Variants in TAFA4 observed in about 807,000 individuals in gnomAD.
TAFA4 encodes chemokine-like protein TAFA-4.
A neutral mutation model predicts 21.1 loss-of-function variants in TAFA4; 20 were observed. The observed-to-expected ratio is 0.95, with a 90% confidence interval of 0.67 to 1.38. TAFA4 has a LOEUF of 1.38. Among genes scored for constraint, TAFA4 ranks in the 40% most tolerant of loss-of-function variants. The pLI is 0.00. For missense variants in TAFA4, 211 were observed against 180.9 expected, an observed-to-expected ratio of 1.17 and a Z score of -0.95; for synonymous variants, 71 against 67.4, an observed-to-expected ratio of 1.05 and a Z score of -0.26.
intron 1 of TAFA4, among the ~76,000 whole-genome samples, chr3:68,923,128 T>G (rs1575675540): frequency 6.6e-6 from 1 of 152,160 alleles, no homozygotes; most frequent in East Asian, 1.9e-4. Flanking sequence ...AGAATCAAAT[T>G]AGAACACCCT....
chr3:68,910,507 G>C (rs2089951449), intron 1 of TAFA4, among the ~76,000 whole-genome samples: 2 of 152,176 alleles, frequency 1.3e-5, no homozygotes, highest in Admixed American at 1.3e-4. Flanking sequence ...GGTTAAAGAG[G>C]CTTAAGATTA....
chr3:68,898,350 G>A (rs1295960917), intron 1 of TAFA4, among the ~76,000 whole-genome samples: 1 of 152,174 alleles, frequency 6.6e-6, no homozygotes, highest in African/African-American at 2.4e-5. Flanking sequence ...CTGTTATAAT[G>A]ATAATGATTT....
intron 3 of TAFA4, among the ~76,000 whole-genome samples, chr3:68,834,184 C>T (rs775529481): frequency 3.9e-5 from 6 of 152,166 alleles, no homozygotes; most frequent in Non-Finnish European, 7.4e-5. Flanking sequence ...GGTCTGCCTA[C>T]TTAAGCAGAG....
chr3:68,823,682 A>G (rs1704163077), intron 3 of TAFA4, among the ~76,000 whole-genome samples: 1 of 152,094 alleles, frequency 6.6e-6, no homozygotes, highest in African/African-American at 2.4e-5. Context: ...GCTCCCACTT[A>G]TAAAGTGAGG....
At chr3:68,831,395 C>A (rs997594748) in intron 3 of TAFA4, among the ~76,000 whole-genome samples, 19 of 152,202 alleles carry the variant, frequency 1.2e-4, no homozygotes, top group Non-Finnish European at 2.6e-4. Flanking sequence ...GTGATAAAAT[C>A]TCTGAGCATT....
rs186620313 is a variant in TAFA4 at position 68,809,601 on chromosome 3, G to A, written c.131-56583C>T. Among the ~76,000 whole-genome samples the A allele has an allele frequency of 2.4e-3, 349 of 147,234 alleles. 3 individuals carry two copies. The highest frequency in any genetic ancestry group is 8.5e-3 in the African/African-American group (338 of 39,766). Reference sequence around the variant, plus strand: ...TTTTCTATTTTTTCTTTTGTTGCCAGTGCTCTGGGATCACAGCCAAAAAAA... The same window carrying A: ...TTTTCTATTTTTTCTTTTGTTGCCAATGCTCTGGGATCACAGCCAAAAAAA... On this transcript the variant is annotated intron_variant, in intron 3 of 5. Coordinates refer to ENST00000295569, the MANE Select transcript of TAFA4 (RefSeq NM_182522.5).
intron 3 of TAFA4, among the ~76,000 whole-genome samples, chr3:68,837,559 C>T (rs1412630841): frequency 1.3e-5 from 2 of 150,828 alleles, no homozygotes; most frequent in South Asian, 2.2e-4. Flanking sequence ...CTGGCACCCG[C>T]CCCCCACTCC....
intron 1 of TAFA4, among the ~76,000 whole-genome samples, chr3:68,909,613 G>A (rs761853401): frequency 2.6e-5 from 4 of 152,172 alleles, no homozygotes; most frequent in South Asian, 2.1e-4. Context: ...GAAGATCCAG[G>A]CTCCACCAAA....
chr3:68,784,530 G>A (rs1813869), intron 3 of TAFA4, among the ~76,000 whole-genome samples: 45,337 of 151,726 alleles, frequency 0.3, 7,511 homozygotes, highest in East Asian at 0.66. Flanking sequence ...GGAGTTCTTC[G>A]TTCCTCCCAG....
At chr3:68,834,935 G>C (rs1275607725) in intron 3 of TAFA4, among the ~76,000 whole-genome samples, 2 of 151,848 alleles carry the variant, frequency 1.3e-5, no homozygotes, top group African/African-American at 4.8e-5. Flanking sequence ...GTGTAGGTCA[G>C]ATTCTGTCTC....
At chr3:68,813,868 G>C (rs1355051967) in intron 3 of TAFA4, among the ~76,000 whole-genome samples, 1 of 152,110 alleles carries the variant, frequency 6.6e-6, no homozygotes, top group Non-Finnish European at 1.5e-5. Context: ...AACAAAAAAA[G>C]AGAATTTTAG....
chr3:68,890,440 T>C (rs1057183072), intron 1 of TAFA4, among the ~76,000 whole-genome samples: 1 of 152,196 alleles, frequency 6.6e-6, no homozygotes, highest in Admixed American at 6.5e-5. Flanking sequence ...GAGTGAAAGT[T>C]TGAATGTTGT....
At chr3:68,787,345 A>G (rs1322619963) in intron 3 of TAFA4, among the ~76,000 whole-genome samples, 1 of 152,216 alleles carries the variant, frequency 6.6e-6, no homozygotes, top group Admixed American at 6.5e-5. Flanking sequence ...TGAGAAGAAG[A>G]AAAAGCACAT....
chr3:68,750,948 A>T (rs532634065), intron 4 of TAFA4, among the ~76,000 whole-genome samples: 2 of 152,206 alleles, frequency 1.3e-5, no homozygotes, highest in Non-Finnish European at 2.9e-5. Flanking sequence ...AGCTGTTTAC[A>T]TACTAACTGG....
intron 2 of TAFA4, among the ~76,000 whole-genome samples, chr3:68,882,570 T>C (rs1173108108): frequency 6.6e-6 from 1 of 152,220 alleles, no homozygotes; most frequent in Non-Finnish European, 1.5e-5. Flanking sequence ...CTTCTGATCC[T>C]TGGGTAAGAG....
intron 3 of TAFA4, among the ~76,000 whole-genome samples, chr3:68,801,155 T>C (rs1208957025): frequency 2.6e-5 from 4 of 152,214 alleles, no homozygotes; most frequent in African/African-American, 9.6e-5. Flanking sequence ...CTATTTGTTT[T>C]ATTTTTATAG....
At chr3:68,736,290 G>T (rs1394257) in intron 5 of TAFA4, among the ~76,000 whole-genome samples, 36,018 of 151,774 alleles carry the variant, frequency 0.24, 4,805 homozygotes, top group Admixed American at 0.32. Context: ...CAGGTCCACA[G>T]AGAGAGTCAT....
intron 3 of TAFA4, among the ~76,000 whole-genome samples, chr3:68,758,347 GTGTCA>G (rs1559761114): frequency 6.6e-6 from 1 of 152,176 alleles, no homozygotes; most frequent in East Asian, 1.9e-4. Flanking sequence ...CGATTCCCAC[GTGTCA>G]TGGGAGGGAC....
At chr3:68,747,393 T>C (rs1367925838) in intron 4 of TAFA4, among the ~76,000 whole-genome samples, 3 of 152,112 alleles carry the variant, frequency 2.0e-5, no homozygotes, top group Non-Finnish European at 2.9e-5. Context: ...GGTTTTTTTT[T>C]CCCATGCTGT....
Sources: allele counts gnomAD v4.1 joint callset (sites outside exome capture counted in the v4.1 genomes callset), GRCh38; gene constraint gnomAD v4.1.1; transcripts MANE v1.5; gene names NCBI Gene and HGNC (gene_info 2026-07-23, HGNC 2026-07-21).